The following PHLDB1 variants were observed in gnomAD, a reference collection of about 807,000 sequenced individuals.
The protein encoded by PHLDB1 is pleckstrin homology like domain family B member 1.
In PHLDB1, 65 loss-of-function variants were observed where a neutral mutation model predicts 139.3. The observed-to-expected ratio is 0.47, with a 90% confidence interval of 0.38 to 0.57. The LOEUF is 0.57. Ranked by LOEUF, PHLDB1 falls within the 20% of genes least tolerant of loss-of-function variation. The pLI is 0.00. For synonymous variants in PHLDB1, 679 were observed against 734.5 expected, an observed-to-expected ratio of 0.92 and a Z score of 1.22; for missense variants, 1,624 against 1,839.7, an observed-to-expected ratio of 0.88 and a Z score of 2.14.
intron 9 of PHLDB1, chr11:118,635,055 A>C: frequency 2.0e-6 from 1 of 497,772 alleles, no homozygotes; most frequent in South Asian, 1.6e-5. Flanking sequence ...GAGAAGGGTC[A>C]GTTCCACCGC....
Position 118,632,096 on chromosome 11 carries a change from TGAA to T in PHLDB1, c.2241+45_2241+47del. ...TAGCTGGACTCTTCCCTAGGCCAAC[TGAA>T]GGCCCCAGAGAGGGGCCACAGTCAG... On this transcript the variant is annotated intron_variant, in intron 8 of 22. Transcript: ENST00000600882. This position sits in a 1 kb window ranked among gnomAD's most constrained non-coding sequence, Gnocchi z 5.9. 6.2e-7 allele frequency: 1 copy of T among 1,613,558 alleles called. No homozygotes were observed. The highest frequency in any genetic ancestry group is 8.5e-7 in the Non-Finnish European group (1 of 1,179,648).
rs782525651 is a variant in PHLDB1 at position 118,643,823 on chromosome 11, C to G, written c.2901C>G (p.Gly967=). 5.6e-6 allele frequency: 9 copies of G among 1,613,948 alleles called. No homozygotes were observed. ...QLQVYRSKMD[G]EATSPLPRTR... The stretch of plus-strand genomic sequence containing the variant: ...AGGTTTACCGCTCCAAGATGGATGG[C>G]GAGGCCACCAGCCCCCTTCCCCGGA... The change falls in exon 14 of 23, where the codon GGC becomes GGG. Residue 967 remains glycine (G), a synonymous_variant. Transcript: ENST00000600882.
At chr11:118,613,510 C>T in intron 1 of PHLDB1, 1 of 1,008,742 alleles carries the variant, frequency 9.9e-7, no homozygotes, top group Non-Finnish European at 1.2e-6. Flanking sequence ...GCTGTCAAAA[C>T]CCGGGTTCTG....
Position 118,641,989 on chromosome 11 carries a change from C to T in PHLDB1, c.2737-265C>T, listed in dbSNP as rs929709989. ...TTGTACCCTGACTGTTTCTCTTTGC[C>T]CTTAGTACATTCAGGGCAACTGTTG... On this transcript the variant is annotated intron_variant, in intron 12 of 22. Coordinates refer to ENST00000600882, the MANE Select transcript of PHLDB1 (RefSeq NM_001144758.3). The T allele has an allele frequency of 1.2e-5, 7 of 586,734 alleles. No homozygotes were observed. The Admixed American group carries it at 1.9e-4, about 16-fold the overall frequency. The allele number at this position is 586,734 out of a possible 1,614,324, so 36.3% of individuals were successfully genotyped here.
Position 118,616,126 on chromosome 11 carries a change from G to T in PHLDB1, c.270G>T (p.Leu90=), listed in dbSNP as rs764197231. The T allele has an allele frequency of 2.5e-6, 4 of 1,613,934 alleles. No homozygotes were observed. The highest frequency in any genetic ancestry group is 1.3e-5 in the African/African-American group (1 of 74,920). ...LAPEHCYIEN[L]RGTLTLYPCG... The stretch of plus-strand genomic sequence containing the variant: ...CAGAGCACTGCTACATCGAGAACCT[G>T]CGGGGCACCCTCACCCTCTACCCCT... Residue 90 remains leucine (L), a synonymous_variant, in exon 4 of 23, where the codon CTG becomes CTT. Transcript: ENST00000600882.
chr11:118,625,066 A>T lies in PHLDB1; in HGVS notation c.481+7A>T. On this transcript the variant is annotated splice_region_variant and intron_variant, in intron 5 of 22. Coordinates refer to ENST00000600882, the MANE Select transcript of PHLDB1 (RefSeq NM_001144758.3). ...CCCTACAGCCCTGTTCCTGGTAGGT[A>T]CCGACGGGGGCAGGGTGCTGGGTTG... The T allele has an allele frequency of 6.3e-7, 1 of 1,594,816 alleles. No individual in the cohort carries two copies. Among genetic ancestry groups the T allele is most frequent in the Non-Finnish European group, 8.5e-7 (1 of 1,171,616 alleles).
intron 4 of PHLDB1, among the ~76,000 whole-genome samples, chr11:118,623,479 C>A (rs534605231): frequency 6.6e-6 from 1 of 152,284 alleles, no homozygotes; most frequent in East Asian, 1.9e-4. Flanking sequence ...ACTCACACTT[C>A]CCGGGCAGGA....
chr11:118,645,285 T>C lies in PHLDB1; in HGVS notation c.3122-71T>C. ...CCCTGCTTGCCCCTCCCTCTGTGTG[T>C]TGTGCTGCCAGTGGCCTGCTCCTTA... On this transcript the variant is annotated intron_variant, in intron 15 of 22. Coordinates refer to ENST00000600882, the MANE Select transcript of PHLDB1 (RefSeq NM_001144758.3). This position sits in a 1 kb window ranked among gnomAD's most constrained non-coding sequence, Gnocchi z 5.1. 8.2e-7 allele frequency: 1 copy of C among 1,222,414 alleles called. No individual in the cohort carries two copies. Among genetic ancestry groups the C allele is most frequent in the Non-Finnish European group, 1.1e-6 (1 of 885,334 alleles). The allele number at this position is 1,222,414 out of a possible 1,614,324, so 75.7% of individuals were successfully genotyped here. A position where few individuals can be genotyped will look rare whatever the true frequency, so the allele number is the denominator to read the frequency against.
At chr11:118,631,080 A>T in intron 6 of PHLDB1, 127 bp from the exon 7 acceptor site, 1 of 820,758 alleles carries the variant, frequency 1.2e-6, no homozygotes. Context: ...GCCTCTCCTG[A>T]CTTGACACTG....
intron 2 of PHLDB1, among the ~76,000 whole-genome samples, chr11:118,614,322 A>G (rs1941137338): frequency 7.2e-6 from 1 of 138,446 alleles, no homozygotes; most frequent in Non-Finnish European, 1.5e-5. Flanking sequence ...AATAGACAAA[A>G]GGCACAGTTA....
chr11:118,639,861 G>C (rs1946241178), intron 12 of PHLDB1: 12 of 987,282 alleles, frequency 1.2e-5, no homozygotes, highest in Non-Finnish European at 1.4e-5. Context: ...CTCTCTGTAG[G>C]CCGAGCTGCT....
intron 4 of PHLDB1, among the ~76,000 whole-genome samples, chr11:118,622,424 A>G (rs1943012494): frequency 6.6e-6 from 1 of 152,234 alleles, no homozygotes; most frequent in Admixed American, 6.5e-5. Flanking sequence ...CCGCTCTATT[A>G]ATACGGATCC....
At chr11:118,635,369 C>G (rs782716493) in intron 9 of PHLDB1, 24 bp from the exon 10 acceptor site, 2 of 1,554,918 alleles carry the variant, frequency 1.3e-6, no homozygotes, top group Non-Finnish European at 1.7e-6. Flanking sequence ...CACCACCCAA[C>G]CCCCTTTGTC....
chr11:118,618,219 A>G (rs1942046878), intron 4 of PHLDB1, among the ~76,000 whole-genome samples: 1 of 151,702 alleles, frequency 6.6e-6, no homozygotes, highest in Admixed American at 6.6e-5. Flanking sequence ...CCCAACCCCC[A>G]TAGCCTTCTT....
Position 118,645,235 on chromosome 11 carries a change from A to AG in PHLDB1, c.3122-116dup. 1.6e-6 allele frequency: 1 copy of AG among 643,388 alleles called. No homozygotes were observed. The highest frequency in any genetic ancestry group is 3.0e-5 in the East Asian group (1 of 33,148). The allele number at this position is 643,388 out of a possible 1,614,324, so 39.9% of individuals were successfully genotyped here. ...GGGGCCTTAGGGAAGCTGCGGGGAG[A>AG]GGGGGCTGCTCTGTGTTAACCTCTC... On this transcript the variant is annotated intron_variant, in intron 15 of 22. Transcript: ENST00000600882. This position sits in a 1 kb window ranked among gnomAD's most constrained non-coding sequence, Gnocchi z 5.1.
At chr11:118,626,869 G>A (rs1555101904) in intron 5 of PHLDB1, 1 of 178,198 alleles carries the variant, frequency 5.6e-6, no homozygotes, top group Admixed American at 6.3e-5. Context: ...TGGCCAGGCT[G>A]GTCTTGAACT....
At chr11:118,647,233 A>G (rs990557319) in intron 17 of PHLDB1, 1 of 152,242 alleles carries the variant, frequency 6.6e-6, no homozygotes, top group Non-Finnish European at 1.5e-5. Flanking sequence ...GCTGTCAAAA[A>G]AAGTTGTCTA....
intron 18 of PHLDB1, among the ~76,000 whole-genome samples, chr11:118,649,327 T>A (rs1328999129): frequency 1.3e-5 from 2 of 151,012 alleles, no homozygotes; most frequent in African/African-American, 4.9e-5. Flanking sequence ...TTTACCCCCG[T>A]GGTTGGAATA....
chr11:118,629,261 A>G (rs1450900308), intron 6 of PHLDB1, among the ~76,000 whole-genome samples: 3 of 152,334 alleles, frequency 2.0e-5, no homozygotes, highest in East Asian at 1.9e-4. Flanking sequence ...AGAGCAGGAT[A>G]GGCAACCCTG....
Sources: allele counts gnomAD v4.1 joint callset (sites outside exome capture counted in the v4.1 genomes callset), GRCh38; gene constraint gnomAD v4.1.1; non-coding constraint Gnocchi (gnomAD v3.1); transcripts MANE v1.5; gene names NCBI Gene and HGNC (gene_info 2026-07-23, HGNC 2026-07-21).